The following CEP350 variants were observed in gnomAD, a reference collection of about 807,000 sequenced individuals.
The protein encoded by CEP350 is centrosomal protein 350, also known as centrosome-associated protein 350.
Under a neutral mutation model 331.8 loss-of-function variants are expected in CEP350, and 126 were observed. The ratio of observed to expected loss-of-function variants is 0.38; its 90% CI spans 0.33 to 0.44. The LOEUF (loss-of-function observed/expected upper bound fraction) is 0.44, where lower values mean the gene tolerates loss of function less well. Among genes scored for constraint, CEP350 ranks in the 20% least tolerant of loss-of-function variants. The pLI is 1.00. For synonymous variants in CEP350, 1,200 were observed against 1,259.5 expected, an observed-to-expected ratio of 0.95 and a Z score of 1.00; for missense variants, 3,406 against 3,634.6, an observed-to-expected ratio of 0.94 and a Z score of 1.62.
At chr1:180,074,208 T>C (rs1659077920) in intron 27 of CEP350, among the ~76,000 whole-genome samples, 1 of 152,190 alleles carries the variant, frequency 6.6e-6, no homozygotes, top group South Asian at 2.1e-4. Context: ...CCACATTTTA[T>C]TTAGTTGTGG....
intron 7 of CEP350, among the ~76,000 whole-genome samples, chr1:180,004,640 A>G (rs1209296189): frequency 6.6e-6 from 1 of 152,170 alleles, no homozygotes; most frequent in African/African-American, 2.4e-5. Context: ...GTCCCTATTT[A>G]TCAAGATCAT....
intron 2 of CEP350, 97 bp from the exon 3 acceptor site, chr1:179,987,142 CT>C: frequency 1.5e-6 from 1 of 673,984 alleles, no homozygotes; most frequent in South Asian, 1.8e-5. Context: ...AGTTTTCAGA[CT>C]TTTGAGTGCA....
Position 180,031,176 on chromosome 1 carries a change from A to T in CEP350, c.3551-144A>T, listed in dbSNP as rs1655998673. 2.1e-5 allele frequency: 10 copies of T among 475,264 alleles called. No individual in the cohort carries two copies. The South Asian group carries it at 3.0e-4, about 14-fold the overall frequency. 29.4% of individuals were successfully genotyped at this position (475,264 alleles called of 1,614,324 possible). ...TGAACTGCTTTATTTTAGATATGGA[A>T]AACAGATTTTGAATATAGTATAAGT... is the stretch of plus-strand genomic sequence containing the variant. On this transcript the variant is annotated intron_variant, in intron 14 of 37. Coordinates refer to ENST00000367607, the MANE Select transcript of CEP350 (RefSeq NM_014810.5).
intron 5 of CEP350, among the ~76,000 whole-genome samples, chr1:179,994,300 G>A (rs1452106230): frequency 6.6e-6 from 1 of 152,014 alleles, no homozygotes; most frequent in Non-Finnish European, 1.5e-5. Context: ...ATTTTTGCGT[G>A]TGCTAATTTT....
rs1477103477 is a variant in CEP350, at chr1:179,986,150, A to G, written c.-13-19A>G. The G allele has an allele frequency of 6.5e-7, 1 of 1,533,330 alleles. No homozygotes were observed. The highest frequency in any genetic ancestry group is 1.2e-5 in the South Asian group (1 of 82,624). 95.0% of individuals were successfully genotyped at this position (1,533,330 alleles called of 1,614,324 possible). ...AATATTATAAGATTGATGTTCGGTG[A>G]ATACTGATGTGATTGCAGGTAAATT... On this transcript the variant is annotated intron_variant, in intron 1 of 37. Coordinates refer to ENST00000367607, the MANE Select transcript of CEP350 (RefSeq NM_014810.5).
chr1:179,997,404 G>A (rs567710284), intron 6 of CEP350, among the ~76,000 whole-genome samples: 21 of 152,102 alleles, frequency 1.4e-4, no homozygotes, highest in South Asian at 6.2e-4. Flanking sequence ...TTAGCCAGGC[G>A]TGGTGGTGGG....
intron 13 of CEP350, among the ~76,000 whole-genome samples, chr1:180,023,226 T>C (rs568169231): frequency 8.0e-4 from 122 of 151,996 alleles, no homozygotes; most frequent in African/African-American, 2.8e-3. Flanking sequence ...GAGCCGAGAT[T>C]GCACCACTGC....
intron 1 of CEP350, among the ~76,000 whole-genome samples, chr1:179,971,050 A>G (rs1651414468): frequency 1.4e-5 from 2 of 147,648 alleles, no homozygotes; most frequent in Non-Finnish European, 3.0e-5. Flanking sequence ...TTTTTTTGAG[A>G]CAGAGTCTTG....
chr1:180,022,952 C>A, intron 13 of CEP350, 104 bp downstream of exon 13: 1 of 1,038,226 alleles, frequency 9.6e-7, no homozygotes, highest in Non-Finnish European at 1.4e-6. Flanking sequence ...TTTAAAAATA[C>A]ATATAGAGGC....
rs749062883 is a variant in CEP350, at chr1:180,020,297, T to G, written c.2523T>G (p.Ser841Arg). The G allele has an allele frequency of 2.9e-5, 46 of 1,613,790 alleles. No individual in the cohort carries two copies. In the Admixed American group the frequency reaches 4.7e-4, roughly 16 times the overall value. The stretch of plus-strand genomic sequence containing the variant: ...CTTCTTTGTCCAGCAGAATTGAAAG[T>G]GAAGCCAAGAAATTAGCTGGGGCCA... The part of the protein sequence containing the change: ...TAASLSSRIE[S>R]EAKKLAGASI... Residue 841 changes from serine (S) to arginine (R), a missense_variant, in exon 12 of 38, where the codon AGT becomes AGG. Coordinates refer to ENST00000367607, the MANE Select transcript of CEP350 (RefSeq NM_014810.5).
chr1:180,033,836 A>T, intron 15 of CEP350, 26 bp from the exon 16 acceptor site: 1 of 1,604,340 alleles, frequency 6.2e-7, no homozygotes, highest in South Asian at 1.1e-5. Flanking sequence ...CCTTCCTCTA[A>T]TGTTTTTGTG....
chr1:179,969,431 T>A (rs75165378), intron 1 of CEP350: 1 of 501,850 alleles, frequency 2.0e-6, no homozygotes, highest in African/African-American at 1.9e-5. Flanking sequence ...TACTAAAGAC[T>A]GGAGTGCTCA....
chr1:180,022,704 A>G lies in CEP350; in HGVS notation c.3242A>G (p.Glu1081Gly). 6.2e-7 allele frequency: 1 copy of G among 1,610,780 alleles called. No homozygotes were observed. ...CAATTATTACTTTTGTCAGGGTTTG[A>G]AGACAAGTTGGACAGAGGAACATCA... ...KSYQLYGKGFEDKLDRGTSTS... is the reference protein window; with the variant it reads ...KSYQLYGKGFGDKLDRGTSTS... The change falls in exon 13 of 38, where the codon GAA becomes GGA. Residue 1081 changes from glutamate (E) to glycine (G), a missense_variant. By Grantham distance (98) the Glu-to-Gly change is moderately conservative. This residue lies in a region of CEP350 where 1,857 missense variants were observed against 1,909.2 expected (regional missense o/e 0.97). Transcript: ENST00000367607.
chr1:180,065,107 G>A lies in CEP350; in HGVS notation c.5410-8G>A. On this transcript the variant is annotated splice_region_variant and splice_polypyrimidine_tract_variant and intron_variant, in intron 26 of 37. Transcript: ENST00000367607. Reference sequence around the variant, plus strand: ...GTCCAATACAATTTTGCCTCTTTTTGTTTGCAGGACTCTCATAGTGATGAT... The same window carrying A: ...GTCCAATACAATTTTGCCTCTTTTTATTTGCAGGACTCTCATAGTGATGAT... The A allele has an allele frequency of 6.3e-7, 1 of 1,577,620 alleles. No individual in the cohort carries two copies. Among genetic ancestry groups the A allele is most frequent in the East Asian group, 2.3e-5 (1 of 43,894 alleles).
chr1:180,062,318 C>G lies in CEP350; in HGVS notation c.5361C>G (p.Thr1787=). ...AGGAGATAGAAAAGATCCGACAGAC[C>G]ACCATAAAACTACAGGAGAAATTGA... ...QQEEIEKIRQ[T]TIKLQEKLKS... Residue 1787 remains threonine (T), a synonymous_variant, in exon 26 of 38, where the codon ACC becomes ACG. Coordinates refer to ENST00000367607, the MANE Select transcript of CEP350 (RefSeq NM_014810.5). The G allele has an allele frequency of 6.2e-7, 1 of 1,610,118 alleles. No homozygotes were observed. Among genetic ancestry groups the G allele is most frequent in the Non-Finnish European group, 8.5e-7 (1 of 1,177,918 alleles).
intron 1 of CEP350, among the ~76,000 whole-genome samples, chr1:179,984,831 T>C (rs149844861): frequency 2.0e-5 from 3 of 152,344 alleles, no homozygotes; most frequent in Non-Finnish European, 4.4e-5. Context: ...TTTATTCTTA[T>C]ATTTTTCAAA....
chr1:179,961,794 A>C (rs1320170766), intron 1 of CEP350, among the ~76,000 whole-genome samples: 2 of 152,104 alleles, frequency 1.3e-5, no homozygotes, highest in Non-Finnish European at 2.9e-5. Flanking sequence ...CTATCACTGA[A>C]ATAGCGAACA....
rs1297899836 is a variant in CEP350 at position 180,095,880 on chromosome 1, G to T, written c.8869G>T (p.Ala2957Ser). The T allele has an allele frequency of 1.2e-6, 2 of 1,612,498 alleles. No individual in the cohort carries two copies. Among genetic ancestry groups the T allele is most frequent in the South Asian group, 2.2e-5 (2 of 90,884 alleles). The change falls in exon 35 of 38, where the codon GCC becomes TCC. Residue 2957 changes from alanine (A) to serine (S), a missense_variant. Physicochemically the swap from Ala to Ser is moderately conservative, Grantham distance 99. Coordinates refer to ENST00000367607, the MANE Select transcript of CEP350 (RefSeq NM_014810.5). ...ISIPTKLLGCASKGLDIESTS... is the reference protein window; with the variant it reads ...ISIPTKLLGCSSKGLDIESTS... ...TATTCCTACAAAACTGCTTGGCTGTGCCAGTAAAGGTCTAGATATAGAAAG... is the reference window on the plus strand; with the variant it reads ...TATTCCTACAAAACTGCTTGGCTGTTCCAGTAAAGGTCTAGATATAGAAAG...
At position 180,053,757 on chromosome 1, in the gene CEP350, A is replaced by G; in HGVS notation, c.4997A>G (p.Asn1666Ser). The change falls in exon 24 of 38, where the codon AAC becomes AGC. Residue 1666 changes from asparagine to serine, a missense_variant. Asn to Ser is a conservative substitution (Grantham distance 46). Coordinates refer to ENST00000367607, the MANE Select transcript of CEP350 (RefSeq NM_014810.5). Reference sequence around the variant, plus strand: ...AGAAACCATCTACTTTAGGAACTGAACATGCCATTCTCAGGAGGACAAGAT... The same window carrying G: ...AGAAACCATCTACTTTAGGAACTGAGCATGCCATTCTCAGGAGGACAAGAT... ...KTTLSTAKEL[N>S]MPFSGGQDSF... 2 of 1,578,986 alleles carry G rather than the reference A, an allele frequency of 1.3e-6. No homozygotes were observed. The highest frequency in any genetic ancestry group is 1.7e-6 in the Non-Finnish European group (2 of 1,156,888).
Sources: allele counts gnomAD v4.1 joint callset (sites outside exome capture counted in the v4.1 genomes callset), GRCh38; gene constraint gnomAD v4.1.1; regional missense constraint gnomAD v4.1.1; transcripts MANE v1.5; gene names NCBI Gene and HGNC (gene_info 2026-07-23, HGNC 2026-07-21).